MINDY2: variants seen among roughly 807,000 people sequenced by gnomAD.
MINDY2 encodes ubiquitin carboxyl-terminal hydrolase MINDY-2.
Under a neutral mutation model 68.2 loss-of-function variants are expected in MINDY2, and 52 were observed. The observed-to-expected ratio is 0.76, with a 90% CI of 0.61 to 0.96. The LOEUF (loss-of-function observed/expected upper bound fraction) is 0.96. MINDY2 is among the 40% of genes least tolerant of loss of function. The probability of loss-of-function intolerance (pLI) is 0.00; values close to 1 mark genes in which losing one functional copy is unlikely to be tolerated. For missense variants in MINDY2, 881 were observed against 773.4 expected (o/e 1.14, Z -1.65); for synonymous variants, 372 against 303.0 (o/e 1.23, Z -2.36).
chr15:58,848,968 G>T (rs1459731542), intron 7 of MINDY2, among the ~76,000 whole-genome samples: 1 of 152,120 alleles, frequency 6.6e-6, no homozygotes, highest in Admixed American at 6.6e-5. Flanking sequence ...CCAGCACTTT[G>T]AGAGGCTGAG....
chr15:58,826,225 CTT>C (rs34666834), intron 5 of MINDY2, among the ~76,000 whole-genome samples: 4 of 98,182 alleles, frequency 4.1e-5, no homozygotes, highest in Non-Finnish European at 5.9e-5. Flanking sequence ...TTCACACAAT[CTT>C]TTTTTTTTTT....
At chr15:58,815,312 A>T (rs1476609365) in intron 4 of MINDY2, 2 of 152,158 alleles carry the variant, frequency 1.3e-5, no homozygotes, top group African/African-American at 4.8e-5. Context: ...AATTAAAATA[A>T]GATTTAAAAC....
chr15:58,795,038 T>G (rs1902189112), intron 2 of MINDY2, among the ~76,000 whole-genome samples: 1 of 151,698 alleles, frequency 6.6e-6, no homozygotes, highest in Non-Finnish European at 1.5e-5. Flanking sequence ...TAGCCGGGCG[T>G]GGTGGCGGGC....
At chr15:58,778,147 G>A (rs1321985595) in intron 1 of MINDY2, among the ~76,000 whole-genome samples, 5 of 152,016 alleles carry the variant, frequency 3.3e-5, no homozygotes, top group Non-Finnish European at 1.5e-5. Flanking sequence ...TAGAAAGAAT[G>A]TTATAGGTTC....
chr15:58,837,520 C>T (rs1350364412), intron 6 of MINDY2, among the ~76,000 whole-genome samples: 1 of 143,182 alleles, frequency 7.0e-6, no homozygotes, highest in Non-Finnish European at 1.5e-5. Flanking sequence ...GGTGAGGCTA[C>T]AGTGAGCCAT....
At position 58,771,822 on chromosome 15, in the gene MINDY2, C is replaced by G. The variant is rs1228945388; in HGVS notation, c.427C>G (p.Leu143Val). 6.2e-7 allele frequency: 1 copy of G among 1,609,088 alleles called. No homozygotes were observed. The highest frequency in any genetic ancestry group is 8.5e-7 in the Non-Finnish European group (1 of 1,178,268). ...TCTCGCCGGCACCTGCCAAGCAGAA[C>G]TGACCGCCGCCGGCTCCGAAGAGCC... The part of the protein sequence containing the change: ...PDLAGTCQAE[L>V]TAAGSEEPSS... The change falls in exon 1 of 9, where the codon CTG becomes GTG. Residue 143 changes from leucine (L) to valine (V), a missense_variant. By Grantham distance (32) the Leu-to-Val change is conservative (BLOSUM62 1). Transcript: ENST00000559228.
intron 5 of MINDY2, among the ~76,000 whole-genome samples, chr15:58,822,317 C>T (rs775764524): frequency 5.3e-5 from 8 of 151,360 alleles, no homozygotes; most frequent in South Asian, 2.1e-4. Flanking sequence ...TTTCCTAGAA[C>T]TCTTTTTCAT....
intron 4 of MINDY2, among the ~76,000 whole-genome samples, chr15:58,819,476 A>C (rs1381809554): frequency 1.3e-5 from 2 of 152,134 alleles, no homozygotes; most frequent in Non-Finnish European, 2.9e-5. Context: ...TGGGTGACAG[A>C]GCGTGGGAGA....
At chr15:58,841,695 G>A (rs573180687) in intron 6 of MINDY2, among the ~76,000 whole-genome samples, 16 of 152,178 alleles carry the variant, frequency 1.1e-4, no homozygotes, top group South Asian at 4.1e-4. Flanking sequence ...GTGAGCCACC[G>A]CGCCCGGCTG....
At chr15:58,805,927 T>C (rs1016834431) in intron 3 of MINDY2, among the ~76,000 whole-genome samples, 2 of 152,050 alleles carry the variant, frequency 1.3e-5, no homozygotes, top group Non-Finnish European at 2.9e-5. Flanking sequence ...TACAAAAAAT[T>C]AGCTGGGCGT....
Position 58,772,163 on chromosome 15 carries a change from C to T in MINDY2, c.768C>T (p.Pro256=). ...KWIQWKEENT[P]IITQNENGPC... is the part of the protein sequence containing the mutation. ...TCCAGTGGAAGGAAGAGAACACACC[C>T]ATCATCACCCAGAATGAGAACGGAC... The change falls in exon 1 of 9, where the codon CCC becomes CCT. Residue 256 remains proline, a synonymous_variant. Coordinates refer to ENST00000559228, the MANE Select transcript of MINDY2 (RefSeq NM_001040450.3). 1.2e-6 allele frequency: 2 copies of T among 1,614,084 alleles called. No individual in the cohort carries two copies. The highest frequency in any genetic ancestry group is 8.5e-7 in the Non-Finnish European group (1 of 1,180,036).
chr15:58,809,969 G>T (rs1433610912), intron 3 of MINDY2, among the ~76,000 whole-genome samples: 7 of 152,048 alleles, frequency 4.6e-5, no homozygotes, highest in African/African-American at 1.7e-4. Flanking sequence ...CAGAGACAGG[G>T]TTTCACCATG....
intron 3 of MINDY2, 58 bp from the exon 4 acceptor site, chr15:58,810,172 C>A: frequency 2.1e-6 from 3 of 1,432,908 alleles, no homozygotes; most frequent in Non-Finnish European, 9.5e-7. Flanking sequence ...ACTTGAATAT[C>A]TTTTTTGTTC....
In MINDY2 at chr15:58,834,087, A is replaced by G. The variant is rs946544946; in HGVS notation, c.1368+2171A>G. ...CATGCTGCCTTCAAGCATTTGTTTA[A>G]CAAAGCACACCCTGCACAGCCCTTA... On this transcript the variant is annotated intron_variant, in intron 6 of 8. Transcript: ENST00000559228. Among the ~76,000 whole-genome samples, 5 of 152,196 alleles carry G rather than the reference A, an allele frequency of 3.3e-5. No homozygotes were observed. In the East Asian group the frequency reaches 9.6e-4, roughly 29 times the overall value.
At chr15:58,796,778 C>T (rs989120709) in intron 2 of MINDY2, among the ~76,000 whole-genome samples, 8 of 152,198 alleles carry the variant, frequency 5.3e-5, no homozygotes, top group African/African-American at 1.2e-4. Flanking sequence ...CTGCCTTGGC[C>T]TCCGGAAGTG....
chr15:58,774,312 G>A (rs760087666), intron 1 of MINDY2, among the ~76,000 whole-genome samples: 1 of 152,008 alleles, frequency 6.6e-6, no homozygotes, highest in Non-Finnish European at 1.5e-5. Flanking sequence ...GTGAAACCCC[G>A]TCTCTACTAA....
intron 3 of MINDY2, 77 bp downstream of exon 3, chr15:58,802,454 C>A: frequency 1.1e-6 from 1 of 921,762 alleles, no homozygotes; most frequent in Non-Finnish European, 1.6e-6. Context: ...TAGCTGGCAG[C>A]ATTTTTCTAT....
At chr15:58,823,211 C>A (rs2031183754) in intron 5 of MINDY2, among the ~76,000 whole-genome samples, 1 of 149,400 alleles carries the variant, frequency 6.7e-6, no homozygotes. Context: ...GATCTCAGCT[C>A]ACTGCAACCT....
intron 5 of MINDY2, among the ~76,000 whole-genome samples, chr15:58,826,506 G>T (rs2031406049): frequency 6.6e-6 from 1 of 152,012 alleles, no homozygotes; most frequent in South Asian, 2.1e-4. Flanking sequence ...TGGTATTACA[G>T]ACATGAGCCA....
Sources: allele counts gnomAD v4.1 joint callset (sites outside exome capture counted in the v4.1 genomes callset), GRCh38; gene constraint gnomAD v4.1.1; transcripts MANE v1.5; gene names NCBI Gene and HGNC (gene_info 2026-07-23, HGNC 2026-07-21).